The following TTLL11 variants were observed in gnomAD, a reference collection of about 807,000 sequenced individuals.
TTLL11 encodes the protein tubulin tyrosine ligase like 11, also known as tubulin polyglutamylase TTLL11.
Under a neutral mutation model 51.7 loss-of-function variants are expected in TTLL11, and 42 were observed. The observed-to-expected ratio is 0.81, with a 90% confidence interval of 0.64 to 1.05. The LOEUF (loss-of-function observed/expected upper bound fraction) is 1.05. Among genes scored for constraint, TTLL11 ranks in the 50% least tolerant of loss-of-function variants. The pLI, the probability that TTLL11 is intolerant of heterozygous loss-of-function variation, is 0.00. For missense variants in TTLL11, 799 were observed against 940.4 expected (o/e 0.85, Z 1.97); for synonymous variants, 381 against 383.5 (o/e 0.99, Z 0.08).
At chr9:121,899,378 C>CATATATATATATAT (rs747040027) in intron 6 of TTLL11, among the ~76,000 whole-genome samples, 40 of 130,442 alleles carry the variant, frequency 3.1e-4, no homozygotes, top group Admixed American at 7.4e-4. Flanking sequence ...TATATATATA[C>CATATATATATATAT]ATATATATAT....
At chr9:121,848,984 C>T (rs776634135) in intron 8 of TTLL11, among the ~76,000 whole-genome samples, 1 of 152,198 alleles carries the variant, frequency 6.6e-6, no homozygotes, top group Non-Finnish European at 1.5e-5. Context: ...ACTGACACTG[C>T]TCAACTCCAA....
intron 6 of TTLL11, among the ~76,000 whole-genome samples, chr9:121,917,813 A>G (rs1315142818): frequency 6.6e-6 from 1 of 152,248 alleles, no homozygotes; most frequent in African/African-American, 2.4e-5. Context: ...CTCCATAGGA[A>G]ATAAATTGCA....
At chr9:121,907,319 G>A (rs1839981140) in intron 6 of TTLL11, among the ~76,000 whole-genome samples, 1 of 151,966 alleles carries the variant, frequency 6.6e-6, no homozygotes, top group Non-Finnish European at 1.5e-5. Flanking sequence ...GTGTGATGGT[G>A]CATGCCTGTA....
rs1049327398 is a variant in TTLL11 at position 122,038,049 on chromosome 9, C to T, written c.559+1223G>A. ...TGATAAAATACTAAGAGAAAACACC[C>T]TATATTTAGGCAACTACACTAGGAC... On this transcript the variant is annotated intron_variant, in intron 2 of 8. Transcript: ENST00000321582. 3.0e-4 allele frequency among the ~76,000 whole-genome samples: 45 copies of T among 152,060 alleles called. 1 individual carries two copies. Among genetic ancestry groups the T allele is most frequent in the African/African-American group, 1.1e-3 (44 of 41,394 alleles).
intron 4 of TTLL11, among the ~76,000 whole-genome samples, chr9:121,977,207 G>C (rs1842730433): frequency 6.6e-6 from 1 of 152,140 alleles, no homozygotes; most frequent in South Asian, 2.1e-4. Flanking sequence ...GCATGTTTTT[G>C]AATATGCTGG....
At chr9:121,826,982 G>A (rs2119114433) in intron 8 of TTLL11, among the ~76,000 whole-genome samples, 1 of 152,200 alleles carries the variant, frequency 6.6e-6, no homozygotes, top group African/African-American at 2.4e-5. Flanking sequence ...AGCACCGGTG[G>A]TCACTGTGGG....
intron 6 of TTLL11, among the ~76,000 whole-genome samples, chr9:121,961,091 C>T (rs181122140): frequency 6.6e-6 from 1 of 152,340 alleles, no homozygotes; most frequent in East Asian, 1.9e-4. Flanking sequence ...ATGACTGAAA[C>T]TGGCTTTCAT....
chr9:122,091,682 C>G (rs910200241), intron 1 of TTLL11, among the ~76,000 whole-genome samples: 2 of 152,246 alleles, frequency 1.3e-5, no homozygotes, highest in African/African-American at 2.4e-5. Context: ...TCCTCTGTTA[C>G]CCGCAGCAGA....
At chr9:122,033,470 T>C (rs1844616736) in intron 2 of TTLL11, among the ~76,000 whole-genome samples, 1 of 152,196 alleles carries the variant, frequency 6.6e-6, no homozygotes, top group Non-Finnish European at 1.5e-5. Flanking sequence ...CAAATGGCCT[T>C]TACCCTGAAA....
chr9:121,937,858 A>G (rs2131572615), intron 6 of TTLL11, among the ~76,000 whole-genome samples: 1 of 152,338 alleles, frequency 6.6e-6, no homozygotes, highest in Non-Finnish European at 1.5e-5. Flanking sequence ...AACCCAGTAA[A>G]GCATGAAAAA....
At chr9:121,900,336 T>C (rs920990535) in intron 6 of TTLL11, among the ~76,000 whole-genome samples, 2 of 152,258 alleles carry the variant, frequency 1.3e-5, no homozygotes, top group African/African-American at 4.8e-5. Flanking sequence ...TTGTTACTGT[T>C]GCGAAGTCAG....
chr9:121,892,480 G>A (rs953321733), intron 6 of TTLL11, among the ~76,000 whole-genome samples: 3 of 152,060 alleles, frequency 2.0e-5, no homozygotes, highest in Non-Finnish European at 2.9e-5. Flanking sequence ...ATCAGATTTC[G>A]TGAAACTTAT....
chr9:121,918,315 A>T (rs1840411444), intron 6 of TTLL11, among the ~76,000 whole-genome samples: 2 of 152,176 alleles, frequency 1.3e-5, no homozygotes, highest in Non-Finnish European at 2.9e-5. Context: ...GAAGTCACAG[A>T]GTGATGGGAA....
At chr9:122,044,691 A>G (rs1844952295) in intron 1 of TTLL11, among the ~76,000 whole-genome samples, 1 of 152,388 alleles carries the variant, frequency 6.6e-6, no homozygotes, top group Middle Eastern at 3.4e-3. Flanking sequence ...AGTCCTGAAT[A>G]GACATTTCTC....
chr9:121,919,279 A>T (rs1449054019), intron 6 of TTLL11, among the ~76,000 whole-genome samples: 1 of 152,334 alleles, frequency 6.6e-6, no homozygotes, highest in East Asian at 1.9e-4. Flanking sequence ...TAACTTCAGG[A>T]GGTTTATCCC....
intron 6 of TTLL11, among the ~76,000 whole-genome samples, chr9:121,969,537 C>T (rs1441542373): frequency 6.6e-6 from 1 of 152,142 alleles, no homozygotes; most frequent in Non-Finnish European, 1.5e-5. Flanking sequence ...GGGGGATCTA[C>T]TTTTTATCTT....
intron 8 of TTLL11, among the ~76,000 whole-genome samples, chr9:121,859,486 C>G (rs1373270219): frequency 6.6e-6 from 1 of 152,106 alleles, no homozygotes; most frequent in African/African-American, 2.4e-5. Flanking sequence ...GCCTGGGCAA[C>G]AGAGTGAGAC....
chr9:121,947,685 G>A (rs1298042320), intron 6 of TTLL11, among the ~76,000 whole-genome samples: 1 of 152,188 alleles, frequency 6.6e-6, no homozygotes, highest in African/African-American at 2.4e-5. Context: ...CCACCTGGCA[G>A]CCCACCTCTG....
chr9:121,828,519 G>A (rs1836895161), intron 8 of TTLL11, among the ~76,000 whole-genome samples: 2 of 152,078 alleles, frequency 1.3e-5, no homozygotes, highest in African/African-American at 4.8e-5. Flanking sequence ...TAACATTTTT[G>A]TATGTTGCTA....
Sources: allele counts gnomAD v4.1 joint callset (sites outside exome capture counted in the v4.1 genomes callset), GRCh38; gene constraint gnomAD v4.1.1; transcripts MANE v1.5; gene names NCBI Gene and HGNC (gene_info 2026-07-23, HGNC 2026-07-21).